Variants in ZFAND2B observed in about 807,000 individuals in gnomAD.
The protein encoded by ZFAND2B is AN1-type zinc finger protein 2B.
Under a neutral mutation model 38.2 loss-of-function variants are expected in ZFAND2B, and 27 were observed. The observed-to-expected ratio is 0.71, with a 90% CI of 0.52 to 0.97. The LOEUF (loss-of-function observed/expected upper bound fraction) is 0.97, where lower values mean the gene tolerates loss of function less well. Among genes scored for constraint, ZFAND2B ranks in the 50% least tolerant of loss-of-function variants. ZFAND2B has a pLI of 0.00. For synonymous variants in ZFAND2B, 111 were observed against 119.4 expected, an observed-to-expected ratio of 0.93 and a Z score of 0.46; for missense variants, 303 against 331.5, an observed-to-expected ratio of 0.91 and a Z score of 0.67.
At chr2:219,207,071 G>A (rs768491733) in intron 1 of ZFAND2B, 29 bp downstream of exon 1, 2 of 1,567,300 alleles carry the variant, frequency 1.3e-6, no homozygotes, top group African/African-American at 1.4e-5. Flanking sequence ...GGGGGGCGGG[G>A]CCCAGCGGAC....
At position 219,208,037 on chromosome 2, in the gene ZFAND2B, G is replaced by A. The variant is rs762605833; in HGVS notation, c.433G>A (p.Gly145Arg). Reference protein sequence around the residue: ...SGEGHPTSRAGLAAISRAQAV... With the variant: ...SGEGHPTSRARLAAISRAQAV... ...GGAGGGGCACCCAACCAGCCGGGCA[G>A]GGTAATGGCAGCCAAGTCCTCCACT... Residue 145 changes from glycine (G) to arginine (R), a missense_variant and splice_region_variant, in exon 4 of 9, where the codon GGA becomes AGA. Gly to Arg is a moderately radical substitution (Grantham distance 125). Coordinates refer to ENST00000289528, the MANE Select transcript of ZFAND2B (RefSeq NM_138802.3). 8 of 1,613,924 alleles carry A rather than the reference G, an allele frequency of 5.0e-6. No homozygotes were observed. The highest frequency in any genetic ancestry group is 6.8e-6 in the Non-Finnish European group (8 of 1,180,030).
chr2:219,208,880 C>T, intron 7 of ZFAND2B, 97 bp from the exon 8 acceptor site: 1 of 1,282,238 alleles, frequency 7.8e-7, no homozygotes, highest in Non-Finnish European at 1.1e-6. Flanking sequence ...AGATAATCCT[C>T]AGCAGTGCTC....
chr2:219,208,595 GGCCCTGGAAAT>G lies in ZFAND2B; in HGVS notation c.614_624del (p.Ala205ValfsTer28). The G allele has an allele frequency of 6.2e-7, 1 of 1,614,120 alleles. No homozygotes were observed. The highest frequency in any genetic ancestry group is 8.5e-7 in the Non-Finnish European group (1 of 1,179,978). On this transcript the variant is annotated frameshift_variant, in exon 7 of 9. Coordinates refer to ENST00000289528, the MANE Select transcript of ZFAND2B (RefSeq NM_138802.3). LOFTEE classifies it high-confidence loss of function. ...AGAGTGAGGATGAAGCTCTGCAGCG[GGCCCTGGAAAT>G]GTCCCTGGCAGAAACCAAACCCCAG...
intron 1 of ZFAND2B, 29 bp downstream of exon 1, chr2:219,207,071 G>C: frequency 6.4e-7 from 1 of 1,567,300 alleles, no homozygotes; most frequent in Non-Finnish European, 8.7e-7. Flanking sequence ...GGGGGGCGGG[G>C]CCCAGCGGAC....
In ZFAND2B at chr2:219,209,018, C is replaced by T. The variant is rs1482493594; in HGVS notation, c.698C>T (p.Ser233Leu). Residue 233 changes from serine (S) to leucine (L), a missense_variant, in exon 8 of 9, where the codon TCA becomes TTA. Ser to Leu is a moderately radical substitution (Grantham distance 145). Coordinates refer to ENST00000289528, the MANE Select transcript of ZFAND2B (RefSeq NM_138802.3). ...GACCTAGCTTTAGCACAAGCACTGTCAGCCAGTGAGGCAGAATACCAGCGG... is the reference window on the plus strand; with the variant it reads ...GACCTAGCTTTAGCACAAGCACTGTTAGCCAGTGAGGCAGAATACCAGCGG... ...EEDLALAQAL[S>L]ASEAEYQRQQ... The T allele has an allele frequency of 1.9e-6, 3 of 1,614,186 alleles. No individual in the cohort carries two copies. The highest frequency in any genetic ancestry group is 2.5e-6 in the Non-Finnish European group (3 of 1,180,034).
In ZFAND2B at chr2:219,206,866, G is replaced by GA; in HGVS notation, c.-121dup. The GA allele has an allele frequency of 2.7e-6, 3 of 1,112,742 alleles. No homozygotes were observed. Among genetic ancestry groups the GA allele is most frequent in the Non-Finnish European group, 3.8e-6 (3 of 794,114 alleles). The allele number at this position is 1,112,742 out of a possible 1,614,324, so 68.9% of individuals were successfully genotyped here. A position where few individuals can be genotyped will look rare whatever the true frequency, so the allele number is the denominator to read the frequency against. On this transcript the variant is annotated 5_prime_UTR_variant, in exon 1 of 9. Coordinates refer to ENST00000289528, the MANE Select transcript of ZFAND2B (RefSeq NM_138802.3). Reference sequence around the variant, plus strand: ...CTCCGGTAACCCGGGCTGGGCGGGGGAGAGGAAGGGGCGGGGCAGGGAGCC... The same window carrying GA: ...CTCCGGTAACCCGGGCTGGGCGGGGGAAGAGGAAGGGGCGGGGCAGGGAGCC...
rs752334336 is a variant in ZFAND2B at position 219,207,911 on chromosome 2, G to C, written c.307G>C (p.Ala103Pro). 3.1e-6 allele frequency: 5 copies of C among 1,614,078 alleles called. No homozygotes were observed. Among genetic ancestry groups the C allele is most frequent in the Admixed American group, 3.3e-5 (2 of 60,018 alleles). The stretch of plus-strand genomic sequence containing the variant: ...GATCTTCACCAATAAGTGTGAACGC[G>C]CTGGCTGCCGGCAGCGAGAAATGAT... ...RKIFTNKCER[A>P]GCRQREMMKL... Residue 103 changes from alanine to proline, a missense_variant, in exon 4 of 9, where the codon GCT (alanine) becomes CCT (proline). Transcript: ENST00000289528.
At position 219,206,883 on chromosome 2, in the gene ZFAND2B, C is replaced by G. The variant is rs1281880751; in HGVS notation, c.-105C>G. 8 of 1,278,194 alleles carry G rather than the reference C, an allele frequency of 6.3e-6. No individual in the cohort carries two copies. In the African/African-American group the frequency reaches 1.1e-4, roughly 17 times the overall value. The allele number at this position is 1,278,194 out of a possible 1,614,324, so 79.2% of individuals were successfully genotyped here. A position where few individuals can be genotyped will look rare whatever the true frequency, so the allele number is the denominator to read the frequency against. ...GGGCGGGGGAGAGGAAGGGGCGGGG[C>G]AGGGAGCCCGCCAGAGTGCGGGGTC... is the stretch of plus-strand genomic sequence containing the variant. On this transcript the variant is annotated 5_prime_UTR_variant, in exon 1 of 9. Transcript: ENST00000289528.
At position 219,207,650 on chromosome 2, in the gene ZFAND2B, T is replaced by C. The variant is rs1162429579; in HGVS notation, c.153T>C (p.Asp51=). 1.2e-6 allele frequency: 2 copies of C among 1,614,112 alleles called. No homozygotes were observed. The highest frequency in any genetic ancestry group is 2.2e-5 in the East Asian group (1 of 44,902). ...TGACCCTTGCTCCTTGACTACAGGA[T>C]ATCCAGGTACCTGTGTGCCCTCTCT... ...QHHCGSAYQK[D]IQVPVCPLCN... Residue 51 remains aspartate, a splice_region_variant and synonymous_variant, in exon 3 of 9, where the codon GAT becomes GAC. Coordinates refer to ENST00000289528, the MANE Select transcript of ZFAND2B (RefSeq NM_138802.3).
At position 219,208,533 on chromosome 2, in the gene ZFAND2B, T is replaced by C. The variant is rs1270777603; in HGVS notation, c.589-39T>C. Reference sequence around the variant, plus strand: ...TGGACAGAAACAAACACACAGAGAGTGAAGTCCAAGGACGCTGGTCTTCTT... The same window carrying C: ...TGGACAGAAACAAACACACAGAGAGCGAAGTCCAAGGACGCTGGTCTTCTT... On this transcript the variant is annotated intron_variant, in intron 6 of 8. Transcript: ENST00000289528. 1.9e-6 allele frequency: 3 copies of C among 1,613,954 alleles called. No homozygotes were observed. In the South Asian group the frequency reaches 3.3e-5, roughly 18 times the overall value.
In ZFAND2B at chr2:219,209,639, A is replaced by G; in HGVS notation, c.*333A>G. On this transcript the variant is annotated 3_prime_UTR_variant, in exon 9 of 9. Transcript: ENST00000289528. ...AAAAAATAAAGGATCTTGGCAGTTG[A>G]TAAAACGTACAAGTGGTGTGTTTCT... The G allele has an allele frequency of 1.6e-6, 1 of 629,036 alleles. No individual in the cohort carries two copies. The highest frequency in any genetic ancestry group is 1.7e-5 in the South Asian group (1 of 58,196). 39.0% of individuals were successfully genotyped at this position (629,036 alleles called of 1,614,324 possible).
rs781626503 is a variant in ZFAND2B at position 219,207,927 on chromosome 2, G to A, written c.323G>A (p.Arg108Gln). 2.0e-5 allele frequency: 33 copies of A among 1,614,024 alleles called. No individual in the cohort carries two copies. Among genetic ancestry groups the A allele is most frequent in the Non-Finnish European group, 2.5e-5 (30 of 1,180,042 alleles). Residue 108 changes from arginine (R) to glutamine (Q), a missense_variant, in exon 4 of 9, where the codon CGA becomes CAA. By Grantham distance (43) the Arg-to-Gln change is conservative (BLOSUM62 1). Coordinates refer to ENST00000289528, the MANE Select transcript of ZFAND2B (RefSeq NM_138802.3). ...TGTGAACGCGCTGGCTGCCGGCAGCGAGAAATGATGAAACTGACCTGTGAA... is the reference window on the plus strand; with the variant it reads ...TGTGAACGCGCTGGCTGCCGGCAGCAAGAAATGATGAAACTGACCTGTGAA... ...NKCERAGCRQ[R>Q]EMMKLTCERC...
chr2:219,209,240 C>T (rs767550337), intron 8 of ZFAND2B, 22 bp from the exon 9 acceptor site: 1 of 1,600,734 alleles, frequency 6.2e-7, no homozygotes, highest in Admixed American at 1.7e-5. Context: ...GTCTTCCCCT[C>T]CTTCCCCTCT....
chr2:219,209,406 G>A lies in ZFAND2B; in HGVS notation c.*100G>A, dbSNP rs746232458. ...GAGGCCCGGAGCACCCTGGAGGGCA[G>A]AGACAAGCGGGAGTGATGTGGAGGT... On this transcript the variant is annotated 3_prime_UTR_variant, in exon 9 of 9. Transcript: ENST00000289528. 77 of 1,426,534 alleles carry A rather than the reference G, an allele frequency of 5.4e-5. No individual in the cohort carries two copies. Among genetic ancestry groups the A allele is most frequent in the Non-Finnish European group, 7.3e-5 (75 of 1,029,492 alleles). 88.4% of individuals were successfully genotyped at this position (1,426,534 alleles called of 1,614,324 possible). A position where few individuals can be genotyped will look rare whatever the true frequency, so the allele number is the denominator to read the frequency against.
intron 8 of ZFAND2B, 23 bp from the exon 9 acceptor site, chr2:219,209,239 T>C (rs201168704): frequency 5.6e-5 from 89 of 1,599,954 alleles, no homozygotes; most frequent in Non-Finnish European, 7.1e-5. Flanking sequence ...TGTCTTCCCC[T>C]CCTTCCCCTC....
intron 1 of ZFAND2B, 91 bp from the exon 2 acceptor site, chr2:219,207,236 G>T (rs986328423): frequency 2.0e-5 from 30 of 1,467,184 alleles, no homozygotes; most frequent in Non-Finnish European, 2.6e-5. Flanking sequence ...TCGAAAATAG[G>T]GTGGCGTTTT....
At position 219,208,468 on chromosome 2, in the gene ZFAND2B, T is replaced by G; in HGVS notation, c.570T>G (p.Ile190Met). 6.2e-7 allele frequency: 1 copy of G among 1,614,236 alleles called. No individual in the cohort carries two copies. The highest frequency in any genetic ancestry group is 1.6e-4 in the Middle Eastern group (1 of 6,062). Residue 190 changes from isoleucine (I) to methionine (M), a missense_variant, in exon 6 of 9, where the codon ATT becomes ATG. Transcript: ENST00000289528. Reference protein sequence around the residue: ...RSPSWTAPPVIALQNGLSEDE... With the variant: ...RSPSWTAPPVMALQNGLSEDE... ...CGTCCTGGACAGCCCCTCCAGTGAT[T>G]GCTTTGCAGAATGGCCTGGTGAGTT...
chr2:219,208,144 A>C (rs1305489676), intron 4 of ZFAND2B, 106 bp downstream of exon 4: 4 of 1,597,062 alleles, frequency 2.5e-6, no homozygotes, highest in Admixed American at 3.4e-5. Flanking sequence ...CCTGTCGGCT[A>C]GGGGAGTCTT....
chr2:219,207,259 G>T (rs974383369), intron 1 of ZFAND2B, 68 bp from the exon 2 acceptor site: 9 of 1,544,642 alleles, frequency 5.8e-6, no homozygotes, highest in Non-Finnish European at 8.1e-6. Context: ...TTCCCGAGTG[G>T]AAGACTTGAG....
Sources: allele counts gnomAD v4.1 joint callset, GRCh38; gene constraint gnomAD v4.1.1; transcripts MANE v1.5; gene names NCBI Gene and HGNC (gene_info 2026-07-23, HGNC 2026-07-21).